Variants in MTMR12 observed in about 807,000 individuals in gnomAD.
MTMR12 encodes the protein myotubularin-related protein 12.
In MTMR12, 33 loss-of-function variants were observed where a neutral mutation model predicts 96.7. The observed-to-expected ratio is 0.34, with a 90% CI of 0.26 to 0.46. The LOEUF is 0.46. MTMR12 is among the 20% of genes least tolerant of loss of function. The probability of loss-of-function intolerance (pLI) is 1.00; values close to 1 mark genes in which losing one functional copy is unlikely to be tolerated. For missense variants in MTMR12, 721 were observed against 896.1 expected, an observed-to-expected ratio of 0.80 and a Z score of 2.49; for synonymous variants, 298 against 327.2, an observed-to-expected ratio of 0.91 and a Z score of 0.96.
chr5:32,247,955 G>A (rs1208081895), intron 10 of MTMR12, 47 bp downstream of exon 10: 2 of 1,596,482 alleles, frequency 1.3e-6, no homozygotes, highest in East Asian at 4.5e-5. Context: ...TGCATGGCAT[G>A]TCTTTCCCCA....
At chr5:32,254,225 G>C (rs1377363769) in intron 8 of MTMR12, among the ~76,000 whole-genome samples, 2 of 152,178 alleles carry the variant, frequency 1.3e-5, no homozygotes, top group Admixed American at 6.5e-5. Flanking sequence ...GAGGTCTCAA[G>C]ATCCTTTCAG....
rs149485953 is a variant in MTMR12 at position 32,266,189 on chromosome 5, T to C, written c.583+2512A>G. On this transcript the variant is annotated intron_variant, in intron 6 of 15. Transcript: ENST00000382142. ...ACACATCACTCAGCTTCCTCTCCTA[T>C]ATGACTTTACGTTTTTGTTTTGTTT... is the stretch of plus-strand genomic sequence containing the variant. Among the ~76,000 whole-genome samples, 333 of 152,272 alleles carry C rather than the reference T, an allele frequency of 2.2e-3. 2 individuals carry two copies. Among genetic ancestry groups the C allele is most frequent in the African/African-American group, 7.4e-3 (308 of 41,572 alleles).
chr5:32,244,300 A>C (rs1295901807), intron 10 of MTMR12, among the ~76,000 whole-genome samples: 1 of 151,912 alleles, frequency 6.6e-6, no homozygotes, highest in Non-Finnish European at 1.5e-5. Flanking sequence ...AAGAAAAAAA[A>C]AAAAAAAGGC....
chr5:32,285,893 T>C (rs1271255170), intron 1 of MTMR12, among the ~76,000 whole-genome samples: 1 of 151,282 alleles, frequency 6.6e-6, no homozygotes, highest in Non-Finnish European at 1.5e-5. Context: ...TTCTGAGGAG[T>C]GGCCCAAAAT....
chr5:32,301,449 G>C (rs1389027183), intron 1 of MTMR12, among the ~76,000 whole-genome samples: 3 of 152,236 alleles, frequency 2.0e-5, no homozygotes, highest in African/African-American at 7.2e-5. Flanking sequence ...GGGAGACCAA[G>C]AGTGAAAGAG....
chr5:32,308,887 G>C (rs1427675115), intron 1 of MTMR12, among the ~76,000 whole-genome samples: 1 of 152,126 alleles, frequency 6.6e-6, no homozygotes, highest in Non-Finnish European at 1.5e-5. Context: ...ACAGGCGTGA[G>C]CCACCACGCC....
At chr5:32,271,315 C>T (rs374782009) in intron 4 of MTMR12, among the ~76,000 whole-genome samples, 1 of 152,178 alleles carries the variant, frequency 6.6e-6, no homozygotes, top group Admixed American at 6.5e-5. Flanking sequence ...ACAGCTAGGA[C>T]CCCTGCTGAG....
chr5:32,248,279 G>A (rs1748777009), intron 9 of MTMR12, among the ~76,000 whole-genome samples, 153 bp from the exon 10 acceptor site: 3 of 152,150 alleles, frequency 2.0e-5, no homozygotes, highest in Admixed American at 1.3e-4. Flanking sequence ...CCTGTTCCCA[G>A]TCAATGGGTG....
At chr5:32,242,234 AT>A (rs1042975134) in intron 11 of MTMR12, 107 bp from the exon 12 acceptor site, 37,919 of 508,308 alleles carry the variant, frequency 0.075, no homozygotes, top group East Asian at 0.11. Context: ...CTTCTCTCTT[AT>A]TTTTTTTTTT....
At chr5:32,263,019 G>T in intron 7 of MTMR12, 94 bp downstream of exon 7, 1 of 1,443,946 alleles carries the variant, frequency 6.9e-7, no homozygotes, top group South Asian at 1.3e-5. Flanking sequence ...AATTGACTGT[G>T]GTGATGACTG....
At chr5:32,289,125 T>C (rs923863315) in intron 1 of MTMR12, among the ~76,000 whole-genome samples, 7 of 152,168 alleles carry the variant, frequency 4.6e-5, no homozygotes, top group African/African-American at 1.7e-4. Context: ...AAGGTGTTCG[T>C]AGCTACTGTA....
At chr5:32,234,481 T>C (rs1243877407) in intron 14 of MTMR12, among the ~76,000 whole-genome samples, 1 of 152,198 alleles carries the variant, frequency 6.6e-6, no homozygotes, top group Non-Finnish European at 1.5e-5. Context: ...CCCCATTCTC[T>C]TCACAGAGGA....
chr5:32,306,547 T>C (rs780083460), intron 1 of MTMR12, among the ~76,000 whole-genome samples: 4 of 152,090 alleles, frequency 2.6e-5, no homozygotes, highest in Admixed American at 6.5e-5. Context: ...AATAAAAAAA[T>C]AGCTATTAAC....
intron 8 of MTMR12, among the ~76,000 whole-genome samples, chr5:32,252,685 A>G (rs1748984028): frequency 6.6e-6 from 1 of 152,254 alleles, no homozygotes; most frequent in African/African-American, 2.4e-5. Flanking sequence ...TTTAAATACT[A>G]ATTCATTTTA....
At chr5:32,232,517 C>T (rs917097451) in intron 15 of MTMR12, among the ~76,000 whole-genome samples, 14 of 152,202 alleles carry the variant, frequency 9.2e-5, no homozygotes, top group African/African-American at 3.4e-4. Flanking sequence ...GCCTTAGGTT[C>T]CTCCCGTAAC....
rs1166066101 is a variant in MTMR12, at chr5:32,312,595, G to A, written c.81+163C>T. ...GGGTCCCCATTCCGGCCCGCGCGGA[G>A]GCCCCAGCGCGCTCCTGCGGCCTCA... On this transcript the variant is annotated intron_variant, in intron 1 of 15. Coordinates refer to ENST00000382142, the MANE Select transcript of MTMR12 (RefSeq NM_001040446.3). The surrounding 1 kb of genome is among the most constrained non-coding windows in gnomAD (Gnocchi z 5.0). Among the ~76,000 whole-genome samples, 1 of 152,046 alleles carries A rather than the reference G, an allele frequency of 6.6e-6. No homozygotes were observed. The highest frequency in any genetic ancestry group is 1.5e-5 in the Non-Finnish European group (1 of 67,974).
intron 15 of MTMR12, among the ~76,000 whole-genome samples, chr5:32,231,539 A>C (rs1265124070): frequency 6.6e-6 from 1 of 152,198 alleles, no homozygotes; most frequent in East Asian, 1.9e-4. Context: ...ATAACAACTT[A>C]ATTTTCAGGT....
intron 1 of MTMR12, among the ~76,000 whole-genome samples, chr5:32,277,285 T>G (rs1225886605): frequency 6.6e-6 from 1 of 152,206 alleles, no homozygotes; most frequent in East Asian, 1.9e-4. Context: ...TATTTAGGAC[T>G]GATAACTAGT....
intron 2 of MTMR12, among the ~76,000 whole-genome samples, chr5:32,274,570 G>C (rs977634393): frequency 6.6e-6 from 1 of 152,130 alleles, no homozygotes; most frequent in African/African-American, 2.4e-5. Context: ...GTGAGAGGGG[G>C]CAGCTTCTAA....
Sources: gnomAD v4.1 joint callset for allele counts (sites outside exome capture counted in the v4.1 genomes callset) on GRCh38, gnomAD v4.1.1 for gene constraint, Gnocchi (gnomAD v3.1) non-coding constraint, MANE v1.5 for transcripts, NCBI Gene and HGNC (gene_info 2026-07-23, HGNC 2026-07-21) for gene names.